Variants in TRIM17 observed in about 807,000 individuals in gnomAD.
TRIM17 encodes the protein tripartite motif containing 17.
In TRIM17, 27 loss-of-function variants were observed where a neutral mutation model predicts 35.8. The ratio of observed to expected loss-of-function variants is 0.75; its 90% CI spans 0.56 to 1.04. TRIM17 has a LOEUF of 1.04. Among genes scored for constraint, TRIM17 ranks in the 50% least tolerant of loss-of-function variants. The probability of loss-of-function intolerance (pLI) is 0.00; values close to 1 mark genes in which losing one functional copy is unlikely to be tolerated. For synonymous variants in TRIM17, 246 were observed against 252.6 expected (o/e 0.97, Z 0.25); for missense variants, 582 against 612.8 (o/e 0.95, Z 0.53).
rs545933329 is a variant in TRIM17 at position 228,410,380 on chromosome 1, G to A, written c.756+566C>T. 1.3e-5 allele frequency among the ~76,000 whole-genome samples: 2 copies of A among 152,008 alleles called. No individual in the cohort carries two copies. Among genetic ancestry groups the A allele is most frequent in the African/African-American group, 4.8e-5 (2 of 41,384 alleles). On this transcript the variant is annotated intron_variant, in intron 4 of 6. Coordinates refer to ENST00000366698, the MANE Select transcript of TRIM17 (RefSeq NM_016102.4). This position sits in a 1 kb window ranked among gnomAD's most constrained non-coding sequence, Gnocchi z 4.6. ...CTGGCTGCTTCACCTCCCCACTGCC[G>A]TTGCCACACAACTCACTCCTGGGAC...
chr1:228,413,985 C>A, intron 2 of TRIM17, 93 bp from the exon 3 acceptor site: 2 of 1,000,264 alleles, frequency 2.0e-6, no homozygotes, highest in East Asian at 2.4e-5. Context: ...GCACCCACCC[C>A]AGAGACCCTC....
chr1:228,408,547 G>C lies in TRIM17; in HGVS notation c.1088C>G (p.Ala363Gly). 2 of 1,614,050 alleles carry C rather than the reference G, an allele frequency of 1.2e-6. No homozygotes were observed. Among genetic ancestry groups the C allele is most frequent in the Non-Finnish European group, 1.7e-6 (2 of 1,179,998 alleles). Residue 363 changes from alanine to glycine, a missense_variant, in exon 7 of 7, where the codon GCG (alanine) becomes GGG (glycine). Ala to Gly is a moderately conservative substitution (Grantham distance 60, BLOSUM62 0). Coordinates refer to ENST00000366698, the MANE Select transcript of TRIM17 (RefSeq NM_016102.4). This position sits in a 1 kb window ranked among gnomAD's most constrained non-coding sequence, Gnocchi z 6.3. Reference protein sequence around the residue: ...WEVGMNITGDALWALGVCRDN... With the variant: ...WEVGMNITGDGLWALGVCRDN... ...CCTGCACACACCCAGGGCCCACAACGCGTCCCCGGTGATGTTCATGCCCAC... is the reference window on the plus strand; with the variant it reads ...CCTGCACACACCCAGGGCCCACAACCCGTCCCCGGTGATGTTCATGCCCAC...
intron 3 of TRIM17, among the ~76,000 whole-genome samples, chr1:228,412,276 G>A (rs1656822619): frequency 6.6e-6 from 1 of 152,078 alleles, no homozygotes; most frequent in South Asian, 2.1e-4. Context: ...TCCAACCTCA[G>A]ATCATGCTAA....
chr1:228,409,772 G>C, intron 4 of TRIM17: 1 of 174,120 alleles, frequency 5.7e-6, no homozygotes, highest in Non-Finnish European at 1.2e-5. Flanking sequence ...GGGTGGGGGC[G>C]CAATTGGGTG....
Position 228,411,938 on chromosome 1 carries a change from C to T in TRIM17, c.526-762G>A, listed in dbSNP as rs557872421. Among the ~76,000 whole-genome samples the T allele has an allele frequency of 3.9e-5, 6 of 152,324 alleles. No homozygotes were observed. The East Asian group carries it at 7.7e-4, about 20-fold the overall frequency. On this transcript the variant is annotated intron_variant, in intron 3 of 6. Coordinates refer to ENST00000366698, the MANE Select transcript of TRIM17 (RefSeq NM_016102.4). The surrounding 1 kb of genome is among the most constrained non-coding windows in gnomAD (Gnocchi z 4.2). ...GCCACTGTTTTGAACTGGGCTCCTGCGCTGGGTCCTAGAAGACCAGACCCA... is the reference window on the plus strand; with the variant it reads ...GCCACTGTTTTGAACTGGGCTCCTGTGCTGGGTCCTAGAAGACCAGACCCA...
Position 228,415,204 on chromosome 1 carries a change from G to T in TRIM17, c.-41-91C>A, listed in dbSNP as rs116270608. On this transcript the variant is annotated intron_variant, in intron 1 of 6. Transcript: ENST00000366698. ...GCCTCCCTTTACAGAGGAGGGCTAG[G>T]ACTGCAGTCCAGTTAGAGAGTCCAG... 1,430 of 1,044,546 alleles carry T rather than the reference G, an allele frequency of 1.4e-3. 7 individuals carry two copies. The African/African-American group carries it at 0.019, about 14-fold the overall frequency. 64.7% of individuals were successfully genotyped at this position (1,044,546 alleles called of 1,614,324 possible).
chr1:228,413,844 T>C lies in TRIM17; in HGVS notation c.478A>G (p.Thr160Ala). Reference protein sequence around the residue: ...MEYLREQITRTGNLQAREEQS... With the variant: ...MEYLREQITRAGNLQAREEQS... Reference sequence around the variant, plus strand: ...TCCTCCCTGGCCTGCAGATTCCCTGTCCTGGTGATCTGCTCCCGAAGGTAC... The same window carrying C: ...TCCTCCCTGGCCTGCAGATTCCCTGCCCTGGTGATCTGCTCCCGAAGGTAC... Residue 160 changes from threonine (T) to alanine (A), a missense_variant, in exon 3 of 7, where the codon ACA (threonine) becomes GCA (alanine). Physicochemically the swap from Thr to Ala is moderately conservative, Grantham distance 58. Transcript: ENST00000366698. The C allele has an allele frequency of 6.2e-7, 1 of 1,614,198 alleles. No homozygotes were observed. The highest frequency in any genetic ancestry group is 1.1e-5 in the South Asian group (1 of 91,088).
At chr1:228,415,298 G>A (rs906649578) in intron 1 of TRIM17, 185 bp from the exon 2 acceptor site, 3 of 557,212 alleles carry the variant, frequency 5.4e-6, no homozygotes, top group South Asian at 2.4e-5. Context: ...GACCCTCCCT[G>A]ACCAATGCTC....
intron 3 of TRIM17, among the ~76,000 whole-genome samples, chr1:228,412,928 T>G (rs764651045): frequency 1.3e-5 from 2 of 152,078 alleles, no homozygotes; most frequent in Non-Finnish European, 2.9e-5. Flanking sequence ...ATAAAGTGCC[T>G]GGCCTGGCGC....
At chr1:228,415,762 G>A (rs1657082809) in intron 1 of TRIM17, 3 of 152,738 alleles carry the variant, frequency 2.0e-5, no homozygotes. Context: ...TGTACGCACA[G>A]ACGAACACCC....
intron 3 of TRIM17, 92 bp downstream of exon 3, chr1:228,413,705 C>T (rs376095177): frequency 7.6e-6 from 8 of 1,049,152 alleles, no homozygotes; most frequent in Middle Eastern, 2.5e-4. Context: ...CCTGCCACTG[C>T]GGCAGCATAT....
At position 228,411,255 on chromosome 1, in the gene TRIM17, T is replaced by G; in HGVS notation, c.526-79A>C. On this transcript the variant is annotated intron_variant, in intron 3 of 6. Transcript: ENST00000366698. This position sits in a 1 kb window ranked among gnomAD's most constrained non-coding sequence, Gnocchi z 4.2. ...ATGCTGGCACCTCTCCCCAGGGCCC[T>G]GGTGACCCACAAGATCACCAGCAAC... The G allele has an allele frequency of 1.2e-5, 14 of 1,184,602 alleles. No individual in the cohort carries two copies. Among genetic ancestry groups the G allele is most frequent in the Non-Finnish European group, 1.6e-5 (13 of 837,362 alleles). 73.4% of individuals were successfully genotyped at this position (1,184,602 alleles called of 1,614,324 possible).
rs758244471 is a variant in TRIM17 at position 228,416,545 on chromosome 1, GA to G, written c.-49del. 3.1e-5 allele frequency: 31 copies of G among 985,562 alleles called. No individual in the cohort carries two copies. The highest frequency in any genetic ancestry group is 1.7e-4 in the African/African-American group (10 of 57,156). The allele number at this position is 985,562 out of a possible 1,614,324, so 61.1% of individuals were successfully genotyped here. On this transcript the variant is annotated 5_prime_UTR_variant, in exon 1 of 7. Transcript: ENST00000366698. ...CGGGGTGGGGGCTACTCACCGCGGG[GA>G]AGGGGGGCCCGCACAGCGCCTAGTG...
intron 2 of TRIM17, among the ~76,000 whole-genome samples, chr1:228,414,151 G>A (rs1159629222): frequency 1.3e-5 from 2 of 152,192 alleles, no homozygotes; most frequent in Non-Finnish European, 2.9e-5. Flanking sequence ...AGAGAGGACT[G>A]CCCTAGGCCA....
At chr1:228,413,998 C>G in intron 2 of TRIM17, 106 bp from the exon 3 acceptor site, 2 of 848,708 alleles carry the variant, frequency 2.4e-6, no homozygotes, top group Non-Finnish European at 4.0e-6. Flanking sequence ...AGACCCTCCT[C>G]AGGAGGGGCA....
At chr1:228,414,526 C>G (rs1656971132) in intron 2 of TRIM17, 118 bp downstream of exon 2, 1 of 891,924 alleles carries the variant, frequency 1.1e-6, no homozygotes. Context: ...TCCTCCCCAG[C>G]CCCTGACTCG....
At position 228,411,236 on chromosome 1, in the gene TRIM17, G is replaced by A. The variant is rs1656770146; in HGVS notation, c.526-60C>T. The A allele has an allele frequency of 4.2e-6, 6 of 1,423,594 alleles. No homozygotes were observed. The highest frequency in any genetic ancestry group is 5.8e-6 in the Non-Finnish European group (6 of 1,041,774). 88.2% of individuals were successfully genotyped at this position (1,423,594 alleles called of 1,614,324 possible). On this transcript the variant is annotated intron_variant, in intron 3 of 6. Transcript: ENST00000366698. The surrounding 1 kb of genome is among the most constrained non-coding windows in gnomAD (Gnocchi z 4.2). ...AGGTGGCTCAGCTCCAGGGATGCTG[G>A]CACCTCTCCCCAGGGCCCTGGTGAC... is the stretch of plus-strand genomic sequence containing the variant.
rs1171866536 is a variant in TRIM17, at chr1:228,408,649, C to T, written c.986G>A (p.Cys329Tyr). Reference protein sequence around the residue: ...LGSSPEGSGFCSKDRFVAYPC... With the variant: ...LGSSPEGSGFYSKDRFVAYPC... Reference sequence around the variant, plus strand: ...GTAAGCCACAAATCGGTCCTTGCTGCAGAACCCACTGCCCTCCGGCGAAGA... The same window carrying T: ...GTAAGCCACAAATCGGTCCTTGCTGTAGAACCCACTGCCCTCCGGCGAAGA... The change falls in exon 7 of 7, where the codon TGC (cysteine) becomes TAC (tyrosine). Residue 329 changes from cysteine to tyrosine, a missense_variant. Transcript: ENST00000366698. This position sits in a 1 kb window ranked among gnomAD's most constrained non-coding sequence, Gnocchi z 6.3. The T allele has an allele frequency of 6.2e-7, 1 of 1,613,106 alleles. No homozygotes were observed. The highest frequency in any genetic ancestry group is 8.5e-7 in the Non-Finnish European group (1 of 1,180,046).
chr1:228,416,504 A>G, intron 1 of TRIM17, 35 bp downstream of exon 1: 1 of 985,070 alleles, frequency 1.0e-6, no homozygotes, highest in Non-Finnish European at 1.2e-6. Flanking sequence ...GCGCCACAGG[A>G]GGGTAGCCTA....
Sources: allele counts gnomAD v4.1 joint callset (sites outside exome capture counted in the v4.1 genomes callset), GRCh38; gene constraint gnomAD v4.1.1; non-coding constraint Gnocchi (gnomAD v3.1); transcripts MANE v1.5; gene names NCBI Gene and HGNC (gene_info 2026-07-23, HGNC 2026-07-21).